The following ARL15 variants were observed in gnomAD, a reference collection of about 807,000 sequenced individuals.
ARL15 encodes ARF like GTPase 15.
Under a neutral mutation model 25.2 loss-of-function variants are expected in ARL15, and 19 were observed. The observed-to-expected ratio is 0.75, with a 90% CI of 0.53 to 1.10. ARL15 has a LOEUF of 1.10. ARL15 is among the 50% of genes least tolerant of loss of function. The pLI is 0.00. For missense variants in ARL15, 220 were observed against 246.0 expected (o/e 0.89, Z 0.71); for synonymous variants, 94 against 86.8 (o/e 1.08, Z -0.46).
intron 1 of ARL15, among the ~76,000 whole-genome samples, chr5:54,201,488 A>G (rs1755721186): frequency 6.6e-6 from 1 of 152,042 alleles, no homozygotes; most frequent in African/African-American, 2.4e-5. Flanking sequence ...AAGAACCCCC[A>G]TATCTAATTT....
intron 3 of ARL15, among the ~76,000 whole-genome samples, chr5:54,137,085 C>T (rs1028339630): frequency 4.8e-4 from 73 of 150,752 alleles, no homozygotes; most frequent in Non-Finnish European, 1.8e-4. Flanking sequence ...CCTAGGTCAG[C>T]AAGGCATAGT....
At chr5:54,113,953 T>C (rs557215626) in intron 3 of ARL15, among the ~76,000 whole-genome samples, 2 of 152,346 alleles carry the variant, frequency 1.3e-5, no homozygotes, top group Non-Finnish European at 2.9e-5. Context: ...GTGCTAAAGT[T>C]TGTGAAAAAC....
intron 4 of ARL15, among the ~76,000 whole-genome samples, chr5:53,990,142 C>T (rs1748435947): frequency 6.6e-6 from 1 of 151,928 alleles, no homozygotes; most frequent in Non-Finnish European, 1.5e-5. Flanking sequence ...GCAGCAGGAT[C>T]GCTCAAGCCC....
chr5:53,903,471 G>A (rs981891796), intron 4 of ARL15, among the ~76,000 whole-genome samples: 12 of 152,120 alleles, frequency 7.9e-5, no homozygotes, highest in African/African-American at 2.4e-4. Context: ...ATCCTCCAAT[G>A]CATAGGGCAG....
chr5:53,998,283 GAA>G (rs11287179), intron 4 of ARL15, among the ~76,000 whole-genome samples: 5,686 of 116,496 alleles, frequency 0.049, 107 homozygotes, highest in Non-Finnish European at 0.07. Context: ...GGGACATCAG[GAA>G]AAAAAAAAAA....
intron 2 of ARL15, among the ~76,000 whole-genome samples, chr5:54,171,033 T>C (rs1754702468): frequency 2.6e-5 from 4 of 152,160 alleles, no homozygotes; most frequent in African/African-American, 9.7e-5. Flanking sequence ...TCCTTCTTCA[T>C]TGTCAGAAGA....
chr5:54,066,847 A>G (rs1751250185), intron 4 of ARL15, among the ~76,000 whole-genome samples: 1 of 152,202 alleles, frequency 6.6e-6, no homozygotes, highest in African/African-American at 2.4e-5. Flanking sequence ...ATATAAAAAA[A>G]TTATTACTAA....
intron 1 of ARL15, among the ~76,000 whole-genome samples, chr5:54,191,070 C>A (rs189486376): frequency 6.6e-5 from 10 of 152,198 alleles, no homozygotes; most frequent in African/African-American, 2.4e-4. Context: ...TGTCCATCAA[C>A]AAATGAATGG....
At chr5:54,166,786 A>C (rs1398296521) in intron 2 of ARL15, among the ~76,000 whole-genome samples, 1 of 152,144 alleles carries the variant, frequency 6.6e-6, no homozygotes, top group African/African-American at 2.4e-5. Flanking sequence ...TAATATTTAC[A>C]TCAGTTCTGG....
At chr5:54,052,766 C>T (rs1750738180) in intron 4 of ARL15, among the ~76,000 whole-genome samples, 1 of 152,056 alleles carries the variant, frequency 6.6e-6, no homozygotes, top group African/African-American at 2.4e-5. Context: ...CACACGTGCA[C>T]ACACAGAGTT....
At chr5:53,907,060 C>T (rs2111961862) in intron 4 of ARL15, among the ~76,000 whole-genome samples, 1 of 152,202 alleles carries the variant, frequency 6.6e-6, no homozygotes, top group Non-Finnish European at 1.5e-5. Context: ...CCTCTTCCTT[C>T]AGGTTACTTT....
chr5:53,935,651 A>C (rs954405093), intron 4 of ARL15, among the ~76,000 whole-genome samples: 1 of 152,162 alleles, frequency 6.6e-6, no homozygotes, highest in Non-Finnish European at 1.5e-5. Context: ...GTGGAGCGGG[A>C]GGAATTTATT....
chr5:54,011,993 G>A (rs1424144417), intron 4 of ARL15, among the ~76,000 whole-genome samples: 4 of 148,074 alleles, frequency 2.7e-5, no homozygotes, highest in Non-Finnish European at 6.0e-5. Context: ...TGGCAACAGA[G>A]CAAGACTCTG....
At chr5:54,016,937 GAAAGACC>G (rs2111816943) in intron 4 of ARL15, among the ~76,000 whole-genome samples, 1 of 152,248 alleles carries the variant, frequency 6.6e-6, no homozygotes, top group Admixed American at 6.5e-5. Flanking sequence ...TTCATGGTTG[GAAAGACC>G]AACTCTGTAA....
intron 1 of ARL15, among the ~76,000 whole-genome samples, chr5:54,234,316 A>T (rs1334268238): frequency 6.6e-6 from 1 of 151,964 alleles, no homozygotes; most frequent in Non-Finnish European, 1.5e-5. Context: ...TTTTAAATGC[A>T]TTAGTAAAAA....
At chr5:54,272,273 T>C (rs10056778) in intron 1 of ARL15, among the ~76,000 whole-genome samples, 3,674 of 152,022 alleles carry the variant, frequency 0.024, 59 homozygotes, top group African/African-American at 0.053. Context: ...AAACATAATT[T>C]TGTTCCCAAA....
chr5:53,909,177 A>T (rs1053194531), intron 4 of ARL15, among the ~76,000 whole-genome samples: 5 of 152,222 alleles, frequency 3.3e-5, no homozygotes, highest in African/African-American at 1.2e-4. Flanking sequence ...ACTGAAAAAA[A>T]TCACTAATAT....
At chr5:54,113,052 T>C (rs574752071) in intron 4 of ARL15, 150 bp downstream of exon 4, 16 of 742,824 alleles carry the variant, frequency 2.2e-5, no homozygotes, top group South Asian at 1.3e-4. Flanking sequence ...CAGATTGATA[T>C]AGGCTTTCTG....
chr5:54,075,072 G>GAAAAAAAAA (rs1561213805), intron 4 of ARL15, among the ~76,000 whole-genome samples: 1 of 10,142 alleles, frequency 9.9e-5, no homozygotes, highest in Non-Finnish European at 3.6e-4. Context: ...ACAGAATACA[G>GAAAAAAAAA]GAAAAAAAAA....
Sources: gnomAD v4.1 joint callset for allele counts (sites outside exome capture counted in the v4.1 genomes callset) on GRCh38, gnomAD v4.1.1 for gene constraint, MANE v1.5 for transcripts, NCBI Gene and HGNC (gene_info 2026-07-23, HGNC 2026-07-21) for gene names.